The following PROX1 variants were observed in gnomAD, a reference collection of about 807,000 sequenced individuals.
The protein encoded by PROX1 is prospero homeobox protein 1.
A neutral mutation model predicts 58.8 loss-of-function variants in PROX1; 7 were observed. The observed-to-expected ratio is 0.12, with a 90% CI of 0.07 to 0.22. The LOEUF (loss-of-function observed/expected upper bound fraction) is 0.22, where lower values mean the gene tolerates loss of function less well. PROX1 is among the 10% of genes least tolerant of loss of function. The probability of loss-of-function intolerance (pLI) is 1.00; values close to 1 mark genes in which losing one functional copy is unlikely to be tolerated. For missense variants in PROX1, 675 were observed against 927.8 expected, an observed-to-expected ratio of 0.73 and a Z score of 3.54; for synonymous variants, 350 against 358.3, an observed-to-expected ratio of 0.98 and a Z score of 0.26.
rs1306323859 is a variant in PROX1, at chr1:214,036,244, T to C, written c.*410T>C. 1.3e-5 allele frequency: 2 copies of C among 154,014 alleles called. No individual in the cohort carries two copies. Among genetic ancestry groups the C allele is most frequent in the Non-Finnish European group, 2.9e-5 (2 of 69,378 alleles). The allele number at this position is 154,014 out of a possible 1,614,324, so 9.5% of individuals were successfully genotyped here. On this transcript the variant is annotated 3_prime_UTR_variant, in exon 5 of 5. Transcript: ENST00000366958. ...CACAGCACAACTCTACAGACAGTGA[T>C]GTGTCTCTTGTTTCTACTGCTAAGA...
Position 213,997,423 on chromosome 1 carries a change from T to G in PROX1, c.888T>G (p.Asp296Glu), listed in dbSNP as rs1349139325. The G allele has an allele frequency of 6.2e-7, 1 of 1,614,026 alleles. No individual in the cohort carries two copies. Among genetic ancestry groups the G allele is most frequent in the East Asian group, 2.2e-5 (1 of 44,850 alleles). Residue 296 changes from aspartate to glutamate, a missense_variant, in exon 2 of 5, where the codon GAT becomes GAG. By Grantham distance (45) the Asp-to-Glu change is conservative. Around this residue, in one of 8 missense-constraint regions of PROX1, gnomAD observed 403 missense variants for 477.4 expected, o/e 0.84. Coordinates refer to ENST00000366958, the MANE Select transcript of PROX1 (RefSeq NM_001270616.2). The surrounding 1 kb of genome is among the most constrained non-coding windows in gnomAD (Gnocchi z 7.1). ...CCCAGGACTCTGTCGGAAGGTCAGA[T>G]AATGAGATGTGCGAGCTAGACCCAG... is the stretch of plus-strand genomic sequence containing the variant. ...ARAQDSVGRS[D>E]NEMCELDPGQ...
chr1:213,983,225 C>T (rs1386011885), upstream of PROX1: 1 of 152,316 alleles, frequency 6.6e-6, no homozygotes, highest in African/African-American at 2.4e-5. Context: ...CGAAACTTTT[C>T]CAACACACGC....
chr1:213,996,128 A>G (rs1204342267), intron 1 of PROX1, among the ~76,000 whole-genome samples: 1 of 152,208 alleles, frequency 6.6e-6, no homozygotes, highest in Non-Finnish European at 1.5e-5. Context: ...CTCAATGCCC[A>G]AAATTTAATC....
intron 3 of PROX1, among the ~76,000 whole-genome samples, chr1:214,006,245 C>T (rs933811804): frequency 2.0e-5 from 3 of 151,932 alleles, no homozygotes; most frequent in Non-Finnish European, 4.4e-5. Flanking sequence ...CGCTCTTCCA[C>T]TGCTCCCCGC....
chr1:214,025,898 A>T (rs113163499), intron 4 of PROX1, among the ~76,000 whole-genome samples: 1 of 151,886 alleles, frequency 6.6e-6, no homozygotes, highest in African/African-American at 2.4e-5. Context: ...TCCTGACCTC[A>T]TGATTCACCC....
intron 4 of PROX1, among the ~76,000 whole-genome samples, chr1:214,033,971 G>T (rs1006897368): frequency 6.6e-6 from 1 of 152,182 alleles, no homozygotes; most frequent in Non-Finnish European, 1.5e-5. Flanking sequence ...GGCGGACAAG[G>T]CGGCACTTTG....
At chr1:214,004,516 C>T (rs1441709105) in intron 2 of PROX1, among the ~76,000 whole-genome samples, 1 of 152,120 alleles carries the variant, frequency 6.6e-6, no homozygotes, top group Non-Finnish European at 1.5e-5. Flanking sequence ...TTCACAAAAG[C>T]AACAGCCCCC....
At chr1:213,991,635 G>A (rs1443949613) in intron 1 of PROX1, among the ~76,000 whole-genome samples, 1 of 152,182 alleles carries the variant, frequency 6.6e-6, no homozygotes, top group Non-Finnish European at 1.5e-5. Context: ...TACATAACAT[G>A]CATCTTTGTT....
chr1:213,997,998 T>G lies in PROX1; in HGVS notation c.1463T>G (p.Leu488Trp). Residue 488 changes from leucine to tryptophan, a missense_variant, in exon 2 of 5, where the codon TTG (leucine) becomes TGG (tryptophan). Coordinates refer to ENST00000366958, the MANE Select transcript of PROX1 (RefSeq NM_001270616.2). This position sits in a 1 kb window ranked among gnomAD's most constrained non-coding sequence, Gnocchi z 7.1. The part of the protein sequence containing the change: ...STFRHPFPLP[L>W]MAYPFQSPLG... ...TTCCGCCACCCCTTCCCCCTTCCCT[T>G]GATGGCCTATCCATTTCAGAGCCCA... 6.2e-7 allele frequency: 1 copy of G among 1,613,440 alleles called. No homozygotes were observed. The highest frequency in any genetic ancestry group is 8.5e-7 in the Non-Finnish European group (1 of 1,179,640).
intron 4 of PROX1, among the ~76,000 whole-genome samples, chr1:214,015,266 G>A (rs1333699046): frequency 2.6e-5 from 4 of 152,182 alleles, no homozygotes; most frequent in Non-Finnish European, 5.9e-5. Context: ...GTGCGTGAGT[G>A]TGTGAGGCAC....
At chr1:214,010,383 T>C (rs1007273453) in intron 3 of PROX1, among the ~76,000 whole-genome samples, 1 of 152,190 alleles carries the variant, frequency 6.6e-6, no homozygotes, top group African/African-American at 2.4e-5. Context: ...ACTTTCTGTG[T>C]AGTAATTAGA....
chr1:214,026,391 G>C (rs1275066103), intron 4 of PROX1, among the ~76,000 whole-genome samples: 1 of 152,098 alleles, frequency 6.6e-6, no homozygotes. Context: ...TCTGCTCCTA[G>C]CAAGCTAGTA....
chr1:214,020,454 A>G (rs1415610953), intron 4 of PROX1, among the ~76,000 whole-genome samples: 1 of 152,226 alleles, frequency 6.6e-6, no homozygotes, highest in Admixed American at 6.5e-5. Context: ...ACCTACTATT[A>G]GATACTTACA....
upstream of PROX1, chr1:213,985,468 C>G (rs1052613917): frequency 1.3e-5 from 2 of 152,214 alleles, no homozygotes; most frequent in African/African-American, 4.8e-5. Flanking sequence ...CGATCTCGCT[C>G]GCCTAGCGTG....
chr1:213,983,237 G>A (rs1662744891), upstream of PROX1: 1 of 152,380 alleles, frequency 6.6e-6, no homozygotes. Flanking sequence ...AACACACGCA[G>A]GCGTATTCCT....
At chr1:214,006,126 A>G (rs1558176037) in intron 3 of PROX1, among the ~76,000 whole-genome samples, 2 of 152,236 alleles carry the variant, frequency 1.3e-5, no homozygotes. Flanking sequence ...ATTAGCTGAG[A>G]TTAGTTTATT....
At chr1:213,991,958 C>A (rs933707650) in intron 1 of PROX1, among the ~76,000 whole-genome samples, 1 of 152,112 alleles carries the variant, frequency 6.6e-6, no homozygotes, top group Non-Finnish European at 1.5e-5. Flanking sequence ...GGAAAGGAAC[C>A]ATATACATAA....
In PROX1 at chr1:214,035,750, A is replaced by C. The variant is rs1664808077; in HGVS notation, c.2130A>C (p.Ile710=). 1 of 1,613,952 alleles carries C rather than the reference A, an allele frequency of 6.2e-7. No individual in the cohort carries two copies. Among genetic ancestry groups the C allele is most frequent in the African/African-American group, 1.3e-5 (1 of 74,926 alleles). ...KDVDPSWKKA[I]YKVICKLDSE... ...TTGATCCTTCCTGGAAGAAGGCCAT[A>C]TACAAGGTCATCTGCAAGCTGGATA... The change falls in exon 5 of 5, where the codon ATA becomes ATC. Residue 710 remains isoleucine, a synonymous_variant. Coordinates refer to ENST00000366958, the MANE Select transcript of PROX1 (RefSeq NM_001270616.2).
At position 214,037,944 on chromosome 1, in the gene PROX1, T is replaced by C. The variant is rs923434985; in HGVS notation, c.*2110T>C. On this transcript the variant is annotated 3_prime_UTR_variant, in exon 5 of 5. Coordinates refer to ENST00000366958, the MANE Select transcript of PROX1 (RefSeq NM_001270616.2). ...CAGTGTGCCACTGGGTTTTTGCTGTTCCGTGTAATTCATATCAACTTTGTG... is the reference window on the plus strand; with the variant it reads ...CAGTGTGCCACTGGGTTTTTGCTGTCCCGTGTAATTCATATCAACTTTGTG... 5.3e-5 allele frequency: 8 copies of C among 152,240 alleles called. No homozygotes were observed. Among genetic ancestry groups the C allele is most frequent in the African/African-American group, 1.7e-4 (7 of 41,466 alleles). The allele number at this position is 152,240 out of a possible 1,614,324, so 9.4% of individuals were successfully genotyped here. A position where few individuals can be genotyped will look rare whatever the true frequency, so the allele number is the denominator to read the frequency against.
Sources: gnomAD v4.1 joint callset for allele counts (sites outside exome capture counted in the v4.1 genomes callset) on GRCh38, gnomAD v4.1.1 for gene constraint, gnomAD v4.1.1 regional missense constraint, Gnocchi (gnomAD v3.1) non-coding constraint, MANE v1.5 for transcripts, NCBI Gene and HGNC (gene_info 2026-07-23, HGNC 2026-07-21) for gene names.